SLC9B2: variants seen among roughly 807,000 people sequenced by gnomAD.
SLC9B2 encodes solute carrier family 9 member B2, also known as sodium/hydrogen exchanger 9B2.
Under a neutral mutation model 52.2 loss-of-function variants are expected in SLC9B2, and 39 were observed. That is an observed-to-expected ratio of 0.75 (90% CI 0.58 to 0.98). SLC9B2 has a LOEUF of 0.98. Among genes scored for constraint, SLC9B2 ranks in the 50% least tolerant of loss-of-function variants. SLC9B2 has a pLI of 0.00. For missense variants in SLC9B2, 626 were observed against 637.5 expected, an observed-to-expected ratio of 0.98 and a Z score of 0.19; for synonymous variants, 214 against 227.0, an observed-to-expected ratio of 0.94 and a Z score of 0.51.
intron 4 of SLC9B2, among the ~76,000 whole-genome samples, chr4:103,053,351 TAAG>T (rs1244098079): frequency 1.3e-5 from 2 of 152,204 alleles, no homozygotes; most frequent in African/African-American, 4.8e-5. Flanking sequence ...CTTAATGTAA[TAAG>T]AACCAGTAAA....
At chr4:103,058,356 G>T (rs1321450578) in intron 3 of SLC9B2, among the ~76,000 whole-genome samples, 7 of 151,936 alleles carry the variant, frequency 4.6e-5, no homozygotes, top group East Asian at 1.9e-4. Context: ...ACCTACTAAG[G>T]TACCTTTTTT....
intron 9 of SLC9B2, 129 bp downstream of exon 9, chr4:103,043,167 G>T: frequency 1.0e-6 from 1 of 966,118 alleles, no homozygotes; most frequent in Non-Finnish European, 1.5e-6. Flanking sequence ...GTGTACATTT[G>T]TATATGCACA....
At chr4:103,067,367 C>T (rs1036975722) in intron 2 of SLC9B2, 94 bp downstream of exon 2, 9 of 1,153,158 alleles carry the variant, frequency 7.8e-6, no homozygotes, top group East Asian at 2.4e-5. Context: ...GGTAGTCACA[C>T]CTGCCTTGGA....
At chr4:103,061,999 G>C (rs897042630) in intron 3 of SLC9B2, among the ~76,000 whole-genome samples, 3 of 152,082 alleles carry the variant, frequency 2.0e-5, no homozygotes, top group Non-Finnish European at 2.9e-5. Flanking sequence ...TAGCTACAAG[G>C]GTTGAAATTT....
At chr4:103,050,172 C>G (rs1337680088) in intron 5 of SLC9B2, 68 bp downstream of exon 5, 2 of 1,360,340 alleles carry the variant, frequency 1.5e-6, no homozygotes, top group Non-Finnish European at 2.0e-6. Flanking sequence ...CTTAGTGATT[C>G]TGTTAGATAC....
intron 9 of SLC9B2, among the ~76,000 whole-genome samples, chr4:103,033,421 T>C (rs1742875657): frequency 6.6e-6 from 1 of 152,116 alleles, no homozygotes; most frequent in African/African-American, 2.4e-5. Flanking sequence ...CTGGAAGTCC[T>C]AGCAAGAGCA....
intron 4 of SLC9B2, among the ~76,000 whole-genome samples, chr4:103,055,390 T>TA (rs956383939): frequency 6.6e-6 from 1 of 151,800 alleles, no homozygotes; most frequent in Admixed American, 6.6e-5. Context: ...AAGTATAATT[T>TA]AAAAAAAAGA....
In SLC9B2 at chr4:103,024,285, G is replaced by A. The variant is rs1489778890; in HGVS notation, c.*2085C>T. On this transcript the variant is annotated 3_prime_UTR_variant, in exon 12 of 12. Coordinates refer to ENST00000394785, the MANE Select transcript of SLC9B2 (RefSeq NM_178833.7). ...TACTTTTAGAGCCTGCAAAAATAGA[G>A]GACCAGATGATCATTAAGTTTATGG... Among the ~76,000 whole-genome samples, 1 of 152,128 alleles carries A rather than the reference G, an allele frequency of 6.6e-6. No individual in the cohort carries two copies.
At chr4:103,042,068 G>C (rs1743693097) in intron 9 of SLC9B2, 1 of 151,900 alleles carries the variant, frequency 6.6e-6, no homozygotes, top group Non-Finnish European at 1.5e-5. Context: ...TTTTTAAAGA[G>C]CTGGTGACAG....
intron 1 of SLC9B2, among the ~76,000 whole-genome samples, chr4:103,070,166 T>C (rs965339722): frequency 6.6e-6 from 1 of 152,240 alleles, no homozygotes; most frequent in African/African-American, 2.4e-5. Context: ...GTTTGCTCTC[T>C]GCTGTGTTTC....
chr4:103,063,196 TA>T (rs1402554757), intron 3 of SLC9B2, among the ~76,000 whole-genome samples: 2 of 152,186 alleles, frequency 1.3e-5, no homozygotes, highest in Non-Finnish European at 2.9e-5. Context: ...AATAAAAGTT[TA>T]AAAAAATAAT....
chr4:103,019,223 C>T (rs2110553260), downstream of SLC9B2, among the ~76,000 whole-genome samples: 1 of 152,178 alleles, frequency 6.6e-6, no homozygotes, highest in South Asian at 2.1e-4. Context: ...GTCGCAGGAG[C>T]ATGTATGTGA....
At chr4:103,071,190 A>G (rs566456943) in intron 1 of SLC9B2, among the ~76,000 whole-genome samples, 17 of 151,624 alleles carry the variant, frequency 1.1e-4, no homozygotes, top group African/African-American at 4.1e-4. Context: ...TGATATATAT[A>G]TATATTTTGT....
intron 9 of SLC9B2, among the ~76,000 whole-genome samples, chr4:103,039,130 C>T (rs1206948979): frequency 1.3e-5 from 2 of 152,084 alleles, no homozygotes; most frequent in Non-Finnish European, 2.9e-5. Context: ...TTTCAGAAGG[C>T]AAATGACTTG....
chr4:103,049,424 G>C (rs1744462186), intron 5 of SLC9B2, among the ~76,000 whole-genome samples: 1 of 152,026 alleles, frequency 6.6e-6, no homozygotes, highest in Non-Finnish European at 1.5e-5. Flanking sequence ...GTCCCAGAAT[G>C]AGACTAAAGT....
chr4:103,036,692 C>G (rs1198243670), intron 9 of SLC9B2, among the ~76,000 whole-genome samples: 1 of 148,472 alleles, frequency 6.7e-6, no homozygotes, highest in Non-Finnish European at 1.5e-5. Context: ...TGGAAAAATA[C>G]TAAAAGGTTT....
downstream of SLC9B2, among the ~76,000 whole-genome samples, chr4:103,019,074 C>A (rs533659190): frequency 1.2e-4 from 19 of 152,226 alleles, no homozygotes; most frequent in East Asian, 2.5e-3. Context: ...ATCCCTGGTG[C>A]CAAAAAGGTT....
Position 103,034,289 on chromosome 4 carries a change from G to A in SLC9B2, c.1147-2481C>T, listed in dbSNP as rs530031765. Among the ~76,000 whole-genome samples the A allele has an allele frequency of 1.2e-3, 190 of 152,048 alleles. No homozygotes were observed. The Middle Eastern group carries it at 0.017, about 14-fold the overall frequency. The stretch of plus-strand genomic sequence containing the variant: ...TGACGCTGGACCCCTTCCTTACAAC[G>A]TATACAAAAATAAATTTAAGATGAA... On this transcript the variant is annotated intron_variant, in intron 9 of 11. Transcript: ENST00000394785.
At chr4:103,074,950 G>T (rs558022849) in intron 1 of SLC9B2, among the ~76,000 whole-genome samples, 5 of 152,256 alleles carry the variant, frequency 3.3e-5, no homozygotes, top group African/African-American at 9.6e-5. Context: ...ACAAACAAGA[G>T]CTATTAAGCT....
Sources: gnomAD v4.1 joint callset for allele counts (sites outside exome capture counted in the v4.1 genomes callset) on GRCh38, gnomAD v4.1.1 for gene constraint, MANE v1.5 for transcripts, NCBI Gene and HGNC (gene_info 2026-07-23, HGNC 2026-07-21) for gene names.